PRELID2: variants seen among roughly 807,000 people sequenced by gnomAD.
PRELID2 encodes the protein PRELI domain-containing protein 2.
A neutral mutation model predicts 28.4 loss-of-function variants in PRELID2; 25 were observed. The ratio of observed to expected loss-of-function variants is 0.88; its 90% CI spans 0.64 to 1.23. PRELID2 has a LOEUF of 1.23. Among genes scored for constraint, PRELID2 ranks in the 50% most tolerant of loss-of-function variants. The pLI is 0.00. For missense variants in PRELID2, 201 were observed against 214.4 expected (o/e 0.94, Z 0.39); for synonymous variants, 76 against 71.6 (o/e 1.06, Z -0.31).
At chr5:145,490,468 T>C (rs1430743891) in intron 1 of PRELID2, among the ~76,000 whole-genome samples, 6 of 152,126 alleles carry the variant, frequency 3.9e-5, no homozygotes, top group African/African-American at 9.7e-5. Flanking sequence ...AGAAACACCA[T>C]TGTGGAAAAG....
chr5:145,536,386 A>G (rs900452447), intron 1 of PRELID2, among the ~76,000 whole-genome samples: 1 of 151,950 alleles, frequency 6.6e-6, no homozygotes, highest in African/African-American at 2.4e-5. Context: ...AAAATTAAGT[A>G]TGTGATTTTG....
chr5:145,259,340 G>A, the PRELID2 span, among the ~76,000 whole-genome samples: 2 of 152,222 alleles, frequency 1.3e-5, no homozygotes, highest in Admixed American at 6.5e-5. Flanking sequence ...TAGATTCACT[G>A]ACAGTTTGCA....
chr5:145,741,159 T>G (rs1226030956), intron 1 of PRELID2, among the ~76,000 whole-genome samples: 21 of 115,092 alleles, frequency 1.8e-4, no homozygotes, highest in Non-Finnish European at 3.4e-4. Flanking sequence ...ATGTAAAATA[T>G]ATAAATATAT....
the PRELID2 span, among the ~76,000 whole-genome samples, chr5:145,298,641 A>G: frequency 5.3e-4 from 80 of 152,222 alleles, 2 homozygotes; most frequent in African/African-American, 1.9e-3. Flanking sequence ...GTGATGATGC[A>G]GCAAGAAGGC....
intron 1 of PRELID2, among the ~76,000 whole-genome samples, chr5:145,520,972 G>A (rs1043262669): frequency 5.9e-5 from 9 of 151,980 alleles, no homozygotes; most frequent in African/African-American, 1.9e-4. Context: ...CATTTGACAG[G>A]CAAAAGAGTC....
the PRELID2 span, among the ~76,000 whole-genome samples, chr5:145,314,179 A>G: frequency 6.6e-6 from 1 of 152,226 alleles, no homozygotes; most frequent in South Asian, 2.1e-4. Flanking sequence ...AGCCATGGGT[A>G]TGGCTCCACA....
At chr5:145,643,519 G>C (rs1469831486) in intron 1 of PRELID2, among the ~76,000 whole-genome samples, 2 of 152,168 alleles carry the variant, frequency 1.3e-5, no homozygotes, top group Non-Finnish European at 2.9e-5. Flanking sequence ...TCTCTTGCCT[G>C]ATTGCCCTGG....
the PRELID2 span, among the ~76,000 whole-genome samples, chr5:145,291,921 A>G: frequency 6.6e-6 from 1 of 152,218 alleles, no homozygotes; most frequent in Non-Finnish European, 1.5e-5. Context: ...CTTTGTTAAA[A>G]GTAAGTTGAC....
At chr5:145,483,348 C>A (rs567844963) in intron 1 of PRELID2, among the ~76,000 whole-genome samples, 2 of 152,234 alleles carry the variant, frequency 1.3e-5, no homozygotes, top group African/African-American at 4.8e-5. Flanking sequence ...CCAGAGCCAC[C>A]ATGTGTGGAA....
chr5:145,303,611 C>A, the PRELID2 span, among the ~76,000 whole-genome samples: 2 of 152,112 alleles, frequency 1.3e-5, no homozygotes, highest in Non-Finnish European at 2.9e-5. Context: ...CATCTGTGAG[C>A]TTTGATGGAA....
chr5:145,330,394 G>C, the PRELID2 span, among the ~76,000 whole-genome samples: 1 of 152,088 alleles, frequency 6.6e-6, no homozygotes, highest in Non-Finnish European at 1.5e-5. Flanking sequence ...CTGTGAATCT[G>C]TCTGGTCCTG....
the PRELID2 span, among the ~76,000 whole-genome samples, chr5:145,337,678 A>C: frequency 7.4e-6 from 1 of 135,918 alleles, no homozygotes; most frequent in East Asian, 2.2e-4. Flanking sequence ...AAATAGATGC[A>C]TAGGGCAAAT....
the PRELID2 span, among the ~76,000 whole-genome samples, chr5:145,265,502 C>T: frequency 6.6e-6 from 1 of 152,056 alleles, no homozygotes; most frequent in East Asian, 1.9e-4. Context: ...AAAGAGCCTG[C>T]ACAGCCAAAG....
At chr5:145,725,195 G>T (rs1252945104) in intron 1 of PRELID2, among the ~76,000 whole-genome samples, 1 of 152,068 alleles carries the variant, frequency 6.6e-6, no homozygotes, top group Non-Finnish European at 1.5e-5. Flanking sequence ...AAAGACAAAA[G>T]CAATTTACAG....
intron 1 of PRELID2, among the ~76,000 whole-genome samples, chr5:145,564,138 C>G (rs1469306670): frequency 6.6e-6 from 1 of 152,172 alleles, no homozygotes; most frequent in Non-Finnish European, 1.5e-5. Context: ...TAAAATGTCA[C>G]CCATAAGCCA....
chr5:145,333,937 G>C, the PRELID2 span, among the ~76,000 whole-genome samples: 1 of 152,214 alleles, frequency 6.6e-6, no homozygotes, highest in African/African-American at 2.4e-5. Context: ...CTCCTGGTCT[G>C]TGAGTTGCAA....
chr5:145,537,161 A>T (rs1157410946), intron 1 of PRELID2, among the ~76,000 whole-genome samples: 1 of 151,914 alleles, frequency 6.6e-6, no homozygotes, highest in African/African-American at 2.4e-5. Context: ...TCACTCAATA[A>T]TATATTTTGA....
intron 1 of PRELID2, among the ~76,000 whole-genome samples, chr5:145,604,130 T>G (rs1753459181): frequency 6.6e-6 from 1 of 152,106 alleles, no homozygotes; most frequent in African/African-American, 2.4e-5. Context: ...GGGGTACATA[T>G]GCAGGTTTGT....
chr5:145,739,812 C>G (rs1323717802), intron 1 of PRELID2, among the ~76,000 whole-genome samples: 1 of 151,512 alleles, frequency 6.6e-6, no homozygotes, highest in East Asian at 1.9e-4. Context: ...ATATATAGAG[C>G]AACCACCTAA....
Sources: gnomAD v4.1 joint callset for allele counts (sites outside exome capture counted in the v4.1 genomes callset) on GRCh38, gnomAD v4.1.1 for gene constraint, MANE v1.5 for transcripts, NCBI Gene and HGNC (gene_info 2026-07-23, HGNC 2026-07-21) for gene names.